Variants in GRM5 observed in about 807,000 individuals in gnomAD.
GRM5 encodes metabotropic glutamate receptor 5.
GRM5 carries 19 observed loss-of-function variants against 83.1 expected under a neutral mutation model. The ratio of observed to expected loss-of-function variants is 0.23; its 90% confidence interval spans 0.16 to 0.34. GRM5 has a LOEUF of 0.34. Ranked by LOEUF, GRM5 falls within the 10% of genes least tolerant of loss-of-function variation. The pLI, the probability that GRM5 is intolerant of heterozygous loss-of-function variation, is 1.00. For synonymous variants in GRM5, 675 were observed against 633.6 expected, an observed-to-expected ratio of 1.07 and a Z score of -0.98; for missense variants, 1,160 against 1,588.3, an observed-to-expected ratio of 0.73 and a Z score of 4.58.
chr11:88,878,761 G>T (rs753169216), intron 2 of GRM5, among the ~76,000 whole-genome samples: 6 of 152,116 alleles, frequency 3.9e-5, no homozygotes, highest in Admixed American at 6.6e-5. Flanking sequence ...TCAATAAAGA[G>T]AAACAAACTA....
chr11:89,022,180 G>A (rs4505064), intron 2 of GRM5, among the ~76,000 whole-genome samples: 101,569 of 151,894 alleles, frequency 0.67, 35,578 homozygotes, highest in African/African-American at 0.89. Flanking sequence ...TTCTTTCTAT[G>A]CTTGTGAAAG....
At chr11:88,639,364 C>G (rs553643747) in intron 4 of GRM5, among the ~76,000 whole-genome samples, 110 of 152,258 alleles carry the variant, frequency 7.2e-4, no homozygotes, top group African/African-American at 2.6e-3. Context: ...ATTCCATTTT[C>G]TCACTTTAGA....
intron 3 of GRM5, among the ~76,000 whole-genome samples, chr11:88,722,652 G>A (rs1941574925): frequency 6.6e-6 from 1 of 152,052 alleles, no homozygotes; most frequent in Non-Finnish European, 1.5e-5. Context: ...AAAATGGTCT[G>A]TTTTGTTTGG....
At chr11:88,852,015 C>A (rs1336067698) in intron 2 of GRM5, among the ~76,000 whole-genome samples, 5 of 152,280 alleles carry the variant, frequency 3.3e-5, no homozygotes, top group Middle Eastern at 3.4e-3. Context: ...TGTTTTTCAA[C>A]AGACTGTCTT....
At chr11:88,768,649 A>T (rs1378776952) in intron 3 of GRM5, among the ~76,000 whole-genome samples, 3 of 151,932 alleles carry the variant, frequency 2.0e-5, no homozygotes, top group Admixed American at 1.3e-4. Context: ...GAGATAATTT[A>T]AAAATAGCCA....
At chr11:88,886,931 C>T (rs1361097054) in intron 2 of GRM5, among the ~76,000 whole-genome samples, 1 of 152,164 alleles carries the variant, frequency 6.6e-6, no homozygotes, top group Non-Finnish European at 1.5e-5. Flanking sequence ...ACCCTCACCA[C>T]AGGGAGCATC....
intron 2 of GRM5, among the ~76,000 whole-genome samples, chr11:88,890,710 G>A (rs926189263): frequency 2.6e-5 from 4 of 152,178 alleles, no homozygotes; most frequent in Admixed American, 2.6e-4. Context: ...TAAGGCCTGG[G>A]ACACATGGAG....
At chr11:88,754,698 G>A (rs1942360658) in intron 3 of GRM5, among the ~76,000 whole-genome samples, 1 of 152,070 alleles carries the variant, frequency 6.6e-6, no homozygotes, top group South Asian at 2.1e-4. Context: ...GCATATGTGA[G>A]GGTCTGTATG....
chr11:88,986,811 T>C (rs2508283), intron 2 of GRM5, among the ~76,000 whole-genome samples: 12,270 of 146,438 alleles, frequency 0.084, 1,625 homozygotes, highest in African/African-American at 0.28. Context: ...GAATCTTTCC[T>C]TCTAGTTTTC....
At chr11:89,018,420 G>C (rs982373152) in intron 2 of GRM5, among the ~76,000 whole-genome samples, 2 of 152,194 alleles carry the variant, frequency 1.3e-5, no homozygotes, top group African/African-American at 4.8e-5. Context: ...AAAGGCAGCT[G>C]ATGTCACTTG....
chr11:88,595,165 A>C (rs1170625459), intron 6 of GRM5, among the ~76,000 whole-genome samples: 3 of 152,146 alleles, frequency 2.0e-5, no homozygotes, highest in Admixed American at 2.0e-4. Flanking sequence ...TATGGGTTAC[A>C]TAGTGATGTT....
chr11:88,518,567 GAATTTATC>G (rs1184031132), intron 9 of GRM5, among the ~76,000 whole-genome samples: 2 of 151,922 alleles, frequency 1.3e-5, no homozygotes, highest in Non-Finnish European at 2.9e-5. Context: ...AATTTCTGAT[GAATTTATC>G]AATTTTTTAT....
intron 9 of GRM5, chr11:88,512,392 T>C (rs560188767): frequency 9.7e-5 from 15 of 154,424 alleles, no homozygotes; most frequent in African/African-American, 3.1e-4. Flanking sequence ...AGCTTTTTTT[T>C]CCCTGAAGTA....
At chr11:88,615,191 T>C (rs1938437675) in intron 4 of GRM5, among the ~76,000 whole-genome samples, 1 of 152,078 alleles carries the variant, frequency 6.6e-6, no homozygotes, top group South Asian at 2.1e-4. Flanking sequence ...TAGGATCTTG[T>C]AGAAGTGCCT....
chr11:88,747,933 G>T (rs549965434), intron 3 of GRM5, among the ~76,000 whole-genome samples: 1 of 152,064 alleles, frequency 6.6e-6, no homozygotes, highest in Non-Finnish European at 1.5e-5. Context: ...CAGCACCTTC[G>T]ACTGAAATAT....
At chr11:88,529,788 A>G (rs1366503581) in intron 8 of GRM5, among the ~76,000 whole-genome samples, 1 of 152,052 alleles carries the variant, frequency 6.6e-6, no homozygotes, top group Admixed American at 6.6e-5. Context: ...TTGGGAGGCA[A>G]AAATGAGTAG....
intron 3 of GRM5, among the ~76,000 whole-genome samples, chr11:88,802,958 C>G (rs1013323178): frequency 6.7e-6 from 1 of 148,710 alleles, no homozygotes; most frequent in African/African-American, 2.6e-5. Context: ...GAATAAACTA[C>G]CTAGGAATCC....
intron 2 of GRM5, among the ~76,000 whole-genome samples, chr11:88,995,287 C>T (rs1284549652): frequency 6.6e-6 from 1 of 151,960 alleles, no homozygotes; most frequent in Non-Finnish European, 1.5e-5. Context: ...TGGAGCATGC[C>T]TGTAATCCCA....
chr11:89,032,297 A>C (rs1941280749), intron 2 of GRM5, among the ~76,000 whole-genome samples: 1 of 152,130 alleles, frequency 6.6e-6, no homozygotes, highest in Non-Finnish European at 1.5e-5. Context: ...GTCCTTAAAC[A>C]CAGTGATAAA....
Sources: allele counts gnomAD v4.1 joint callset (sites outside exome capture counted in the v4.1 genomes callset), GRCh38; gene constraint gnomAD v4.1.1; transcripts MANE v1.5; gene names NCBI Gene and HGNC (gene_info 2026-07-23, HGNC 2026-07-21).